The following CD2AP variants were observed in gnomAD, a reference collection of about 807,000 sequenced individuals.
CD2AP encodes the protein CD2 associated protein.
Under a neutral mutation model 85.1 loss-of-function variants are expected in CD2AP, and 46 were observed. The ratio of observed to expected loss-of-function variants is 0.54; its 90% CI spans 0.43 to 0.69. The LOEUF is 0.69. CD2AP is among the 30% of genes least tolerant of loss of function. The pLI, the probability that CD2AP is intolerant of heterozygous loss-of-function variation, is 0.00. For synonymous variants in CD2AP, 255 were observed against 252.9 expected, an observed-to-expected ratio of 1.01 and a Z score of -0.08; for missense variants, 769 against 729.5, an observed-to-expected ratio of 1.05 and a Z score of -0.62.
chr6:47,520,922 C>G (rs1289248902), intron 2 of CD2AP, among the ~76,000 whole-genome samples: 1 of 151,882 alleles, frequency 6.6e-6, no homozygotes, highest in Non-Finnish European at 1.5e-5. Context: ...CAGACTTCTC[C>G]AGTACCTAGC....
intron 1 of CD2AP, among the ~76,000 whole-genome samples, chr6:47,485,937 T>G (rs551140773): frequency 1.9e-4 from 29 of 152,286 alleles, no homozygotes; most frequent in African/African-American, 7.0e-4. Context: ...TTAAGTACAC[T>G]CTATGATGTT....
chr6:47,614,436 G>C (rs1418043136), intron 17 of CD2AP, among the ~76,000 whole-genome samples: 1 of 152,178 alleles, frequency 6.6e-6, no homozygotes, highest in Admixed American at 6.5e-5. Flanking sequence ...GCCAAGTAGA[G>C]GGGGAGAGAG....
intron 2 of CD2AP, among the ~76,000 whole-genome samples, 173 bp downstream of exon 2, chr6:47,503,613 C>G (rs1397273884): frequency 6.6e-6 from 1 of 152,058 alleles, no homozygotes; most frequent in Non-Finnish European, 1.5e-5. Flanking sequence ...TGCTCTGTGT[C>G]CTGCTGGATA....
chr6:47,514,482 C>T (rs1766401978), intron 2 of CD2AP, among the ~76,000 whole-genome samples: 1 of 152,150 alleles, frequency 6.6e-6, no homozygotes, highest in African/African-American at 2.4e-5. Flanking sequence ...GTATCAATGT[C>T]TTGGCTAGTT....
At chr6:47,600,910 G>C (rs779174200) in intron 13 of CD2AP, among the ~76,000 whole-genome samples, 8 of 151,784 alleles carry the variant, frequency 5.3e-5, no homozygotes, top group African/African-American at 1.9e-4. Flanking sequence ...CACAAATTTG[G>C]GGGATCTTTA....
chr6:47,478,073 G>T lies in CD2AP; in HGVS notation c.-172G>T. On this transcript the variant is annotated 5_prime_UTR_variant, in exon 1 of 18. Coordinates refer to ENST00000359314, the MANE Select transcript of CD2AP (RefSeq NM_012120.3). ...CCTCGAGGGCCGCGCTGAAGAGACT[G>T]GTAGGAGAGCGCCGCGGGCGGATGG... 1 of 818,560 alleles carries T rather than the reference G, an allele frequency of 1.2e-6. No individual in the cohort carries two copies. The highest frequency in any genetic ancestry group is 2.0e-6 in the Non-Finnish European group (1 of 502,480). 50.7% of individuals were successfully genotyped at this position (818,560 alleles called of 1,614,324 possible). A position where few individuals can be genotyped will look rare whatever the true frequency, so the allele number is the denominator to read the frequency against.
At chr6:47,592,556 GA>G (rs761394311) in intron 11 of CD2AP, among the ~76,000 whole-genome samples, 2 of 152,018 alleles carry the variant, frequency 1.3e-5, no homozygotes, top group African/African-American at 2.4e-5. Flanking sequence ...AAGGTGAGAG[GA>G]ACATCTTTTG....
intron 11 of CD2AP, among the ~76,000 whole-genome samples, chr6:47,587,442 C>A (rs1328096709): frequency 6.6e-6 from 1 of 152,132 alleles, no homozygotes; most frequent in Non-Finnish European, 1.5e-5. Flanking sequence ...TCACTTTCTA[C>A]TTTCTGTCCC....
rs566716863 is a variant in CD2AP at position 47,539,218 on chromosome 6, A to C, written c.320-5388A>C. Among the ~76,000 whole-genome samples the C allele has an allele frequency of 2.0e-5, 3 of 152,346 alleles. No individual in the cohort carries two copies. In the East Asian group the frequency reaches 5.8e-4, roughly 29 times the overall value. On this transcript the variant is annotated intron_variant, in intron 3 of 17. Transcript: ENST00000359314. ...TTAAGTAATTGTAAGTGCTTGATAA[A>C]TGTTTACAGTTATTCTGGTGTTTTA...
intron 1 of CD2AP, among the ~76,000 whole-genome samples, chr6:47,502,879 T>C (rs2113980821): frequency 6.6e-6 from 1 of 152,268 alleles, no homozygotes; most frequent in African/African-American, 2.4e-5. Flanking sequence ...TGCCATCATA[T>C]TCTGTTGGTT....
intron 2 of CD2AP, among the ~76,000 whole-genome samples, chr6:47,513,614 C>T (rs776773184): frequency 9.3e-4 from 141 of 152,014 alleles, no homozygotes; most frequent in Non-Finnish European, 1.7e-3. Flanking sequence ...ACCTTTACTA[C>T]TACTTTCTAA....
At chr6:47,563,081 T>G (rs886532191) in intron 5 of CD2AP, 13 of 240,368 alleles carry the variant, frequency 5.4e-5, no homozygotes, top group African/African-American at 2.7e-4. Context: ...TGAACTCTGC[T>G]ATAATTTTTA....
intron 2 of CD2AP, among the ~76,000 whole-genome samples, chr6:47,527,005 AC>A (rs1445425587): frequency 2.0e-4 from 30 of 152,152 alleles, no homozygotes; most frequent in Admixed American, 1.6e-3. Flanking sequence ...TATGTGCATT[AC>A]CAATAAAAAC....
At position 47,609,254 on chromosome 6, in the gene CD2AP, C is replaced by T; in HGVS notation, c.1764C>T (p.Ala588=). ...AAAATTCCCTGGATGAACTTAGAGC[C>T]CAGATTATTGAATTGTTGTGCATTG... ...VKKNSLDELR[A]QIIELLCIVE... Residue 588 remains alanine (A), a synonymous_variant, in exon 16 of 18, where the codon GCC becomes GCT. Transcript: ENST00000359314. 2 of 1,613,452 alleles carry T rather than the reference C, an allele frequency of 1.2e-6. No individual in the cohort carries two copies. Among genetic ancestry groups the T allele is most frequent in the Non-Finnish European group, 8.5e-7 (1 of 1,179,752 alleles).
chr6:47,531,633 A>T (rs1766878196), intron 2 of CD2AP, among the ~76,000 whole-genome samples: 1 of 151,812 alleles, frequency 6.6e-6, no homozygotes, highest in African/African-American at 2.4e-5. Context: ...TGGAAATGAT[A>T]GGTTACCAGT....
rs1287206715 is a variant in CD2AP at position 47,533,668 on chromosome 6, G to A, written c.232G>A (p.Val78Ile). 1.2e-6 allele frequency: 2 copies of A among 1,614,096 alleles called. No homozygotes were observed. The highest frequency in any genetic ancestry group is 1.7e-6 in the Non-Finnish European group (2 of 1,179,990). The stretch of plus-strand genomic sequence containing the variant: ...CATCAAACGGGAAAGGCATGGGAAT[G>A]TAGCAAGTCTTGTACAACGAATAAG... The part of the protein sequence containing the change: ...LPIKRERHGN[V>I]ASLVQRISTY... Residue 78 changes from valine to isoleucine, a missense_variant, in exon 3 of 18, where the codon GTA (valine) becomes ATA (isoleucine). Val to Ile is a conservative substitution (Grantham distance 29). Coordinates refer to ENST00000359314, the MANE Select transcript of CD2AP (RefSeq NM_012120.3).
chr6:47,557,883 G>A (rs1767739818), intron 5 of CD2AP, among the ~76,000 whole-genome samples: 1 of 152,156 alleles, frequency 6.6e-6, no homozygotes, highest in Admixed American at 6.5e-5. Context: ...GTAGCTTGAT[G>A]GGAATAGCAT....
chr6:47,615,043 A>G (rs1365204781), intron 17 of CD2AP, among the ~76,000 whole-genome samples: 2 of 150,698 alleles, frequency 1.3e-5, no homozygotes, highest in South Asian at 2.1e-4. Flanking sequence ...TTTTTTAGAG[A>G]CTCTTCCCAT....
chr6:47,563,592 G>A (rs1767917010), intron 5 of CD2AP, among the ~76,000 whole-genome samples: 1 of 152,132 alleles, frequency 6.6e-6, no homozygotes, highest in Non-Finnish European at 1.5e-5. Context: ...AAACATTTGT[G>A]TACAGTATTA....
Sources: gnomAD v4.1 joint callset for allele counts (sites outside exome capture counted in the v4.1 genomes callset) on GRCh38, gnomAD v4.1.1 for gene constraint, MANE v1.5 for transcripts, NCBI Gene and HGNC (gene_info 2026-07-23, HGNC 2026-07-21) for gene names.